PLEKHM2: variants seen among roughly 807,000 people sequenced by gnomAD.
The protein encoded by PLEKHM2 is pleckstrin homology and RUN domain containing M2.
A neutral mutation model predicts 116.3 loss-of-function variants in PLEKHM2; 77 were observed. The ratio of observed to expected loss-of-function variants is 0.66; its 90% CI spans 0.55 to 0.80. The LOEUF (loss-of-function observed/expected upper bound fraction) is 0.80, where lower values mean the gene tolerates loss of function less well. Among genes scored for constraint, PLEKHM2 ranks in the 30% least tolerant of loss-of-function variants. PLEKHM2 has a pLI of 0.00. For missense variants in PLEKHM2, 1,183 were observed against 1,354.9 expected, an observed-to-expected ratio of 0.87 and a Z score of 1.99; for synonymous variants, 562 against 571.0, an observed-to-expected ratio of 0.98 and a Z score of 0.22.
chr1:15,711,622 A>C (rs1361643118), intron 1 of PLEKHM2, among the ~76,000 whole-genome samples: 1 of 151,902 alleles, frequency 6.6e-6, no homozygotes, highest in Admixed American at 6.6e-5. Context: ...ATCTCAAAAA[A>C]AAAAAAGAAA....
rs571101860 is a variant in PLEKHM2, at chr1:15,719,462, T to A, written c.466-272T>A. ...TGAGACTCTGTCTCAAAAAAAAAAA[T>A]AAATAAATAGAGAGAGAGAGAGATA... On this transcript the variant is annotated intron_variant, in intron 5 of 19. Transcript: ENST00000375799. The surrounding 1 kb of genome is among the most constrained non-coding windows in gnomAD (Gnocchi z 4.1). Among the ~76,000 whole-genome samples the A allele has an allele frequency of 0.012, 1,755 of 147,590 alleles. 24 individuals carry two copies. Among genetic ancestry groups the A allele is most frequent in the Non-Finnish European group, 0.016 (1,091 of 67,230 alleles).
At chr1:15,681,722 T>C (rs1640648158), upstream of PLEKHM2, 1 of 400,752 alleles carries the variant, frequency 2.5e-6, no homozygotes, top group Non-Finnish European at 5.1e-6. Context: ...CTATTTCTAC[T>C]CATAGATACC....
At chr1:15,730,328 G>A (rs2068122459) in intron 14 of PLEKHM2, among the ~76,000 whole-genome samples, 1 of 152,236 alleles carries the variant, frequency 6.6e-6, no homozygotes, top group South Asian at 2.1e-4. Context: ...TGTAATCCCA[G>A]CTACTTGGGA....
Position 15,727,221 on chromosome 1 carries a change from G to A in PLEKHM2, c.1149G>A (p.Thr383=), listed in dbSNP as rs768763484. ...AGGGAGAGGGGCCGAGCAGCACCAC[G>A]GAGAGCAGCGAGCGCTCCGAGCCGG... ...QEEGEGPSST[T]ESSERSEPGL... The change falls in exon 9 of 20, where the codon ACG becomes ACA. Residue 383 remains threonine, a synonymous_variant. Transcript: ENST00000375799. The surrounding 1 kb of genome is among the most constrained non-coding windows in gnomAD (Gnocchi z 7.5). 2.6e-5 allele frequency: 41 copies of A among 1,606,130 alleles called. No individual in the cohort carries two copies. The highest frequency in any genetic ancestry group is 4.5e-5 in the South Asian group (4 of 89,692).
Position 15,734,013 on chromosome 1 carries a change from A to G in PLEKHM2, c.*79A>G. Reference sequence around the variant, plus strand: ...CAGGCACACTGTCACGGCTGTTGTCATGCTGTCGGGAGCCTACAGTCCACC... The same window carrying G: ...CAGGCACACTGTCACGGCTGTTGTCGTGCTGTCGGGAGCCTACAGTCCACC... On this transcript the variant is annotated 3_prime_UTR_variant, in exon 20 of 20. Transcript: ENST00000375799. 1.3e-6 allele frequency: 2 copies of G among 1,485,366 alleles called. No homozygotes were observed. Among genetic ancestry groups the G allele is most frequent in the South Asian group, 1.3e-5 (1 of 78,258 alleles). The allele number at this position is 1,485,366 out of a possible 1,614,324, so 92.0% of individuals were successfully genotyped here.
In PLEKHM2 at chr1:15,721,224, C is replaced by A; in HGVS notation, c.653-105C>A. The A allele has an allele frequency of 1.4e-6, 1 of 740,036 alleles. No homozygotes were observed. Among genetic ancestry groups the A allele is most frequent in the Non-Finnish European group, 2.4e-6 (1 of 419,380 alleles). 45.8% of individuals were successfully genotyped at this position (740,036 alleles called of 1,614,324 possible). A position where few individuals can be genotyped will look rare whatever the true frequency, so the allele number is the denominator to read the frequency against. Reference sequence around the variant, plus strand: ...ATGTAGAAAGTTGAAGTTTTCCTCTCCTATTTTCTCCCCATGTCTCCCACC... The same window carrying A: ...ATGTAGAAAGTTGAAGTTTTCCTCTACTATTTTCTCCCCATGTCTCCCACC... On this transcript the variant is annotated intron_variant, in intron 6 of 19. Transcript: ENST00000375799. This position sits in a 1 kb window ranked among gnomAD's most constrained non-coding sequence, Gnocchi z 5.1.
At chr1:15,708,785 A>C (rs2148349145) in intron 1 of PLEKHM2, among the ~76,000 whole-genome samples, 1 of 152,222 alleles carries the variant, frequency 6.6e-6, no homozygotes, top group East Asian at 1.9e-4. Context: ...TGATGAAAAG[A>C]CCTGGGTTTA....
chr1:15,718,467 T>C, intron 4 of PLEKHM2, 71 bp from the exon 5 acceptor site: 1 of 867,874 alleles, frequency 1.2e-6, no homozygotes, highest in Non-Finnish European at 1.9e-6. Flanking sequence ...ACACAGCTGG[T>C]ATGTTGGTAA....
chr1:15,731,153 T>C (rs1242223898), intron 15 of PLEKHM2, 39 bp from the exon 16 acceptor site: 23 of 1,498,736 alleles, frequency 1.5e-5, no homozygotes, highest in Non-Finnish European at 1.8e-5. Flanking sequence ...CCCCAGTTCC[T>C]GGGACAGGCC....
rs150577686 is a variant in PLEKHM2 at position 15,719,159 on chromosome 1, C to T, written c.465+534C>T. Among the ~76,000 whole-genome samples the T allele has an allele frequency of 1.5e-3, 229 of 152,218 alleles. 2 individuals are homozygous for T. The highest frequency in any genetic ancestry group is 4.9e-3 in the African/African-American group (204 of 41,558). ...CAGCTGCCCCGTCCTAATCAAATGA[C>T]CTTCCTTGGGCCAGGCGCAGTGGCT... On this transcript the variant is annotated intron_variant, in intron 5 of 19. Coordinates refer to ENST00000375799, the MANE Select transcript of PLEKHM2 (RefSeq NM_015164.4). This position sits in a 1 kb window ranked among gnomAD's most constrained non-coding sequence, Gnocchi z 4.1.
intron 3 of PLEKHM2, among the ~76,000 whole-genome samples, chr1:15,717,429 A>G (rs1641467898): frequency 6.6e-6 from 1 of 152,178 alleles, no homozygotes; most frequent in African/African-American, 2.4e-5. Flanking sequence ...AATAATAGTA[A>G]TAAATAATAA....
chr1:15,728,818 C>A lies in PLEKHM2; in HGVS notation c.1986+85C>A. 2 of 1,232,614 alleles carry A rather than the reference C, an allele frequency of 1.6e-6. No individual in the cohort carries two copies. Among genetic ancestry groups the A allele is most frequent in the Non-Finnish European group, 2.3e-6 (2 of 857,858 alleles). The allele number at this position is 1,232,614 out of a possible 1,614,324, so 76.4% of individuals were successfully genotyped here. On this transcript the variant is annotated intron_variant, in intron 12 of 19. Transcript: ENST00000375799. The surrounding 1 kb of genome is among the most constrained non-coding windows in gnomAD (Gnocchi z 5.9). ...ACCCATAGAACTGCAGGGCGAGGCACGGCCCCTTACTCCCCTCCCGGGGTT... is the reference window on the plus strand; with the variant it reads ...ACCCATAGAACTGCAGGGCGAGGCAAGGCCCCTTACTCCCCTCCCGGGGTT...
At position 15,731,251 on chromosome 1, in the gene PLEKHM2, A is replaced by C; in HGVS notation, c.2459A>C (p.Asn820Thr). ...RTDVIPLLSV[N>T]MGGEQCGGCR... is the part of the protein sequence containing the mutation. ...GACGTCATCCCTCTGCTCTCGGTGA[A>C]CATGGGGTAAGTGTCCCGGGAGAAG... Residue 820 changes from asparagine to threonine, a missense_variant, in exon 16 of 20, where the codon AAC (asparagine) becomes ACC (threonine). By Grantham distance (65) the Asn-to-Thr change is moderately conservative. Transcript: ENST00000375799. 1 of 1,587,248 alleles carries C rather than the reference A, an allele frequency of 6.3e-7. No homozygotes were observed. Among genetic ancestry groups the C allele is most frequent in the African/African-American group, 1.3e-5 (1 of 74,490 alleles).
chr1:15,732,089 AC>A, intron 17 of PLEKHM2, 41 bp downstream of exon 17: 2 of 1,567,222 alleles, frequency 1.3e-6, no homozygotes, highest in Admixed American at 1.7e-5. Flanking sequence ...GGCTTGCCTG[AC>A]CCACCCAGAC....
rs1297468339 is a variant in PLEKHM2 at position 15,716,687 on chromosome 1, C to G, written c.168-20C>G. Reference sequence around the variant, plus strand: ...GGTGGCCCCATGCAGGTCACAGCAGCTCCTGTCCTGTTTTCTCAGACTGCA... The same window carrying G: ...GGTGGCCCCATGCAGGTCACAGCAGGTCCTGTCCTGTTTTCTCAGACTGCA... On this transcript the variant is annotated intron_variant, in intron 2 of 19. Coordinates refer to ENST00000375799, the MANE Select transcript of PLEKHM2 (RefSeq NM_015164.4). The G allele has an allele frequency of 6.4e-7, 1 of 1,554,980 alleles. No individual in the cohort carries two copies. Among genetic ancestry groups the G allele is most frequent in the Non-Finnish European group, 8.7e-7 (1 of 1,148,838 alleles).
Position 15,684,545 on chromosome 1 carries a change from A to G in PLEKHM2, c.-14A>G, listed in dbSNP as rs1640723184. 2.5e-6 allele frequency: 3 copies of G among 1,209,404 alleles called. No individual in the cohort carries two copies. Among genetic ancestry groups the G allele is most frequent in the Admixed American group, 3.7e-5 (1 of 27,226 alleles). 74.9% of individuals were successfully genotyped at this position (1,209,404 alleles called of 1,614,324 possible). A position where few individuals can be genotyped will look rare whatever the true frequency, so the allele number is the denominator to read the frequency against. ...GGCGGTGGCGGTGGCGGTGGCGGCG[A>G]CGGTGGCAGCGCCATGGAGCCGGGG... On this transcript the variant is annotated 5_prime_UTR_variant, in exon 1 of 20. Coordinates refer to ENST00000375799, the MANE Select transcript of PLEKHM2 (RefSeq NM_015164.4).
intron 1 of PLEKHM2, among the ~76,000 whole-genome samples, chr1:15,692,930 G>C (rs1640917006): frequency 6.6e-6 from 1 of 151,092 alleles, no homozygotes; most frequent in African/African-American, 2.4e-5. Context: ...GTAGAGATGG[G>C]GTTTCACCAT....
At chr1:15,692,393 A>T (rs1178608374) in intron 1 of PLEKHM2, among the ~76,000 whole-genome samples, 1 of 151,894 alleles carries the variant, frequency 6.6e-6, no homozygotes, top group Non-Finnish European at 1.5e-5. Context: ...CCTTTTCCTA[A>T]ATTCTCAGTA....
At chr1:15,716,936 T>C in intron 3 of PLEKHM2, 120 bp downstream of exon 3, 1 of 1,252,202 alleles carries the variant, frequency 8.0e-7, no homozygotes. Context: ...CCTGGTGGTG[T>C]CCAGTAGCAG....
Sources: allele counts gnomAD v4.1 joint callset (sites outside exome capture counted in the v4.1 genomes callset), GRCh38; gene constraint gnomAD v4.1.1; non-coding constraint Gnocchi (gnomAD v3.1); transcripts MANE v1.5; gene names NCBI Gene and HGNC (gene_info 2026-07-23, HGNC 2026-07-21).